MESP1: variants seen among roughly 807,000 people sequenced by gnomAD.
The protein encoded by MESP1 is mesoderm posterior bHLH transcription factor 1.
MESP1 carries 22 observed loss-of-function variants against 15.2 expected under a neutral mutation model. That is an observed-to-expected ratio of 1.45 (90% CI 1.04 to 2.07). The LOEUF is 2.07. Among genes scored for constraint, MESP1 ranks in the 30% most tolerant of loss-of-function variants. The pLI, the probability that MESP1 is intolerant of heterozygous loss-of-function variation, is 0.00. For synonymous variants in MESP1, 216 were observed against 192.6 expected (o/e 1.12, Z -1.01); for missense variants, 484 against 411.9 (o/e 1.17, Z -1.51).
downstream of MESP1, among the ~76,000 whole-genome samples, chr15:89,746,895 CCACA>C (rs1175148619): frequency 3.2e-5 from 3 of 94,702 alleles, no homozygotes; most frequent in African/African-American, 1.3e-4. Flanking sequence ...GCTGCCCCAG[CCACA>C]CACACAGCCC....
Position 89,750,499 on chromosome 15 carries a change from G to A in MESP1, c.723+10C>T, listed in dbSNP as rs758711293. 2.0e-6 allele frequency: 3 copies of A among 1,496,300 alleles called. No homozygotes were observed. Among genetic ancestry groups the A allele is most frequent in the Admixed American group, 2.2e-5 (1 of 45,472 alleles). The allele number at this position is 1,496,300 out of a possible 1,614,324, so 92.7% of individuals were successfully genotyped here. On this transcript the variant is annotated intron_variant, in intron 1 of 1. Transcript: ENST00000300057. The stretch of plus-strand genomic sequence containing the variant: ...ACGGACGAAGGGGGCGCGGGGAAGG[G>A]GACACTAACCGGGGACGGTGGGCTT...
chr15:89,749,243 A>C (rs1192337861), downstream of MESP1: 1 of 152,056 alleles, frequency 6.6e-6, no homozygotes, highest in Non-Finnish European at 1.5e-5. Context: ...GGTTATATAA[A>C]CTCAGGACCG....
At chr15:89,732,963 C>T in the MESP1 span, 27 of 1,597,478 alleles carry the variant, frequency 1.7e-5, no homozygotes, top group African/African-American at 1.1e-4. Context: ...GGCCTCCTCC[C>T]CTACCCCGTT....
chr15:89,751,015 C>A lies in MESP1; in HGVS notation c.217G>T (p.Gly73Cys). 7.4e-7 allele frequency: 1 copy of A among 1,359,438 alleles called. No individual in the cohort carries two copies. The highest frequency in any genetic ancestry group is 9.4e-7 in the Non-Finnish European group (1 of 1,064,022). The allele number at this position is 1,359,438 out of a possible 1,614,324, so 84.2% of individuals were successfully genotyped here. A position where few individuals can be genotyped will look rare whatever the true frequency, so the allele number is the denominator to read the frequency against. ...CTGCCCAGGCGGCTGCTGCGCGCGC[C>A]GCGCCTACCTACGGAGGGGGCGCGG... ...DPRAPSVGRR[G>C]ARSSRLGSGQ... is the part of the protein sequence containing the mutation. The change falls in exon 1 of 2, where the codon GGC becomes TGC. Residue 73 changes from glycine (G) to cysteine (C), a missense_variant. By Grantham distance (159) the Gly-to-Cys change is radical. Transcript: ENST00000300057.
At chr15:89,734,198 C>T in the MESP1 span, among the ~76,000 whole-genome samples, 2 of 152,130 alleles carry the variant, frequency 1.3e-5, no homozygotes, top group Non-Finnish European at 2.9e-5. Context: ...CAAACCACCC[C>T]AAAACTTAAT....
At chr15:89,742,799 C>G in the MESP1 span, among the ~76,000 whole-genome samples, 5 of 152,214 alleles carry the variant, frequency 3.3e-5, no homozygotes, top group African/African-American at 1.2e-4. Context: ...TCCCAAAGTG[C>G]TGGGATTACA....
chr15:89,738,066 C>T, the MESP1 span: 2 of 1,612,724 alleles, frequency 1.2e-6, no homozygotes, highest in South Asian at 2.2e-5. Flanking sequence ...AAACTGCGTC[C>T]ACCGACGATG....
At chr15:89,740,896 T>G in the MESP1 span, among the ~76,000 whole-genome samples, 1 of 152,070 alleles carries the variant, frequency 6.6e-6, no homozygotes, top group South Asian at 2.1e-4. Flanking sequence ...TCCCAGCACT[T>G]TGGGAGGCCA....
chr15:89,743,448 C>T, the MESP1 span: 32,022 of 1,543,616 alleles, frequency 0.021, 472 homozygotes, highest in Non-Finnish European at 0.022. Context: ...GGCAGCTGCT[C>T]CCAGGACACT....
chr15:89,750,267 G>C (rs2141754467), intron 1 of MESP1, 40 bp from the exon 2 acceptor site: 1 of 1,609,324 alleles, frequency 6.2e-7, no homozygotes, highest in Middle Eastern at 1.7e-4. Flanking sequence ...TCAAGCACTG[G>C]TGGCCTTGTG....
the MESP1 span, among the ~76,000 whole-genome samples, chr15:89,743,040 A>G: frequency 6.6e-6 from 1 of 152,148 alleles, no homozygotes; most frequent in Non-Finnish European, 1.5e-5. Flanking sequence ...ATAGCCTTTT[A>G]GTTCCTCAGC....
downstream of MESP1, among the ~76,000 whole-genome samples, chr15:89,746,789 CCACACA>C (rs370443651): frequency 7.8e-6 from 1 of 127,506 alleles, no homozygotes; most frequent in African/African-American, 3.5e-5. Flanking sequence ...CCCTACCTCC[CCACACA>C]CACACACACA....
In MESP1 at chr15:89,750,638, C is replaced by G; in HGVS notation, c.594G>C (p.Gly198=). 1.5e-6 allele frequency: 2 copies of G among 1,374,518 alleles called. No individual in the cohort carries two copies. Among genetic ancestry groups the G allele is most frequent in the Non-Finnish European group, 1.9e-6 (2 of 1,073,080 alleles). The allele number at this position is 1,374,518 out of a possible 1,614,324, so 85.1% of individuals were successfully genotyped here. Residue 198 remains glycine (G), a synonymous_variant, in exon 1 of 2, where the codon GGG becomes GGC. Transcript: ENST00000300057. ...AGGCAGGCGGGGATCCCCAGGACGC[C>G]CCGGCGCGGACGGCGGATACCAGGC... The part of the protein sequence containing the change: ...GLGLVSAVRA[G]ASWGSPPACP...
Position 89,750,914 on chromosome 15 carries a change from G to T in MESP1, c.318C>A (p.Arg106=). The T allele has an allele frequency of 2.7e-6, 4 of 1,487,096 alleles. No individual in the cohort carries two copies. The highest frequency in any genetic ancestry group is 3.6e-6 in the Non-Finnish European group (4 of 1,123,358). The allele number at this position is 1,487,096 out of a possible 1,614,324, so 92.1% of individuals were successfully genotyped here. A position where few individuals can be genotyped will look rare whatever the true frequency, so the allele number is the denominator to read the frequency against. The change falls in exon 1 of 2, where the codon CGC becomes CGA. Residue 106 remains arginine, a synonymous_variant. Coordinates refer to ENST00000300057, the MANE Select transcript of MESP1 (RefSeq NM_018670.4). ...GCGCCACGGACGGCGGTAGAAAGCG[G>T]CGCAGCTCGTGCAGGGCGCGGGCCA... ...RTLARALHEL[R]RFLPPSVAPA...
chr15:89,749,472 G>A (rs1209530659), downstream of MESP1: 2 of 152,282 alleles, frequency 1.3e-5, no homozygotes, highest in Non-Finnish European at 2.9e-5. Flanking sequence ...TGAGCGCTGG[G>A]ACTCTGGAGG....
At chr15:89,745,991 G>A (rs115689726), downstream of MESP1, among the ~76,000 whole-genome samples, 2,929 of 126,772 alleles carry the variant, frequency 0.023, 118 homozygotes, top group African/African-American at 0.082. The surrounding 1 kb of genome is among the most constrained non-coding windows in gnomAD (Gnocchi z 4.8). Context: ...ACACCTCCAC[G>A]CATACACACC....
At chr15:89,742,896 T>C in the MESP1 span, among the ~76,000 whole-genome samples, 22 of 152,206 alleles carry the variant, frequency 1.4e-4, no homozygotes, top group Non-Finnish European at 2.8e-4. Context: ...AATCATACAG[T>C]GTGTCTTTTT....
chr15:89,747,331 A>T (rs1288404423), downstream of MESP1, among the ~76,000 whole-genome samples: 1 of 152,168 alleles, frequency 6.6e-6, no homozygotes, highest in Non-Finnish European at 1.5e-5. Flanking sequence ...CCCTGAGCCC[A>T]AATTTTAAGC....
In MESP1 at chr15:89,750,844, T is replaced by C. The variant is rs751519156; in HGVS notation, c.388A>G (p.Ile130Val). ...GCCGACAGGTGGCCGATATAGCGGA[T>C]AGCCAGGCGCAGCGTCTCGATCTTG... ...LTKIETLRLA[I>V]RYIGHLSAVL... is the part of the protein sequence containing the mutation. The change falls in exon 1 of 2, where the codon ATC (isoleucine) becomes GTC (valine). Residue 130 changes from isoleucine to valine, a missense_variant. By Grantham distance (29) the Ile-to-Val change is conservative (BLOSUM62 3). Transcript: ENST00000300057. 11 of 1,532,292 alleles carry C rather than the reference T, an allele frequency of 7.2e-6. No individual in the cohort carries two copies. The highest frequency in any genetic ancestry group is 1.7e-4 in the Middle Eastern group (1 of 5,914). 94.9% of individuals were successfully genotyped at this position (1,532,292 alleles called of 1,614,324 possible). A position where few individuals can be genotyped will look rare whatever the true frequency, so the allele number is the denominator to read the frequency against.
Sources: allele counts gnomAD v4.1 joint callset (sites outside exome capture counted in the v4.1 genomes callset), GRCh38; gene constraint gnomAD v4.1.1; non-coding constraint Gnocchi (gnomAD v3.1); transcripts MANE v1.5; gene names NCBI Gene and HGNC (gene_info 2026-07-23, HGNC 2026-07-21).